ADGRA3: variants seen among roughly 807,000 people sequenced by gnomAD.
ADGRA3 encodes adhesion G protein-coupled receptor A3, also known as G-protein coupled receptor 125.
A neutral mutation model predicts 119.8 loss-of-function variants in ADGRA3; 56 were observed. The observed-to-expected ratio is 0.47, with a 90% confidence interval of 0.38 to 0.58. The LOEUF (loss-of-function observed/expected upper bound fraction) is 0.58, where lower values mean the gene tolerates loss of function less well. Ranked by LOEUF, ADGRA3 falls within the 20% of genes least tolerant of loss-of-function variation. The pLI is 0.00. For synonymous variants in ADGRA3, 607 were observed against 623.8 expected, an observed-to-expected ratio of 0.97 and a Z score of 0.40; for missense variants, 1,516 against 1,649.0, an observed-to-expected ratio of 0.92 and a Z score of 1.40.
At chr4:22,458,591 AT>A (rs1392164620) in intron 3 of ADGRA3, among the ~76,000 whole-genome samples, 1 of 152,114 alleles carries the variant, frequency 6.6e-6, no homozygotes, top group African/African-American at 2.4e-5. Context: ...AACTTCATGA[AT>A]TTTTGTTGAA....
intron 10 of ADGRA3, among the ~76,000 whole-genome samples, chr4:22,426,839 A>G (rs1236246457): frequency 1.3e-5 from 2 of 152,176 alleles, no homozygotes; most frequent in African/African-American, 4.8e-5. Flanking sequence ...TCATTTTTTT[A>G]TGATTCATTG....
At chr4:22,473,087 A>G (rs1717911488) in intron 2 of ADGRA3, 1 of 152,182 alleles carries the variant, frequency 6.6e-6, no homozygotes, top group Non-Finnish European at 1.5e-5. Flanking sequence ...ATCAAAGTTT[A>G]TACTAGTGTT....
intron 7 of ADGRA3, 56 bp from the exon 8 acceptor site, chr4:22,438,476 C>T (rs1577349016): frequency 7.3e-7 from 1 of 1,366,152 alleles, no homozygotes; most frequent in Non-Finnish European, 1.0e-6. Flanking sequence ...AAAAAGGAGA[C>T]AATAATGGGT....
chr4:22,484,635 T>C (rs981527638), intron 1 of ADGRA3, among the ~76,000 whole-genome samples: 1 of 149,392 alleles, frequency 6.7e-6, no homozygotes, highest in Non-Finnish European at 1.5e-5. Flanking sequence ...TAAGCAGCTT[T>C]GTACTAAAAT....
At position 22,424,216 on chromosome 4, in the gene ADGRA3, G is replaced by T. The variant is rs201873439; in HGVS notation, c.1580C>A (p.Ala527Asp). The change falls in exon 11 of 19, where the codon GCC becomes GAC. Residue 527 changes from alanine (A) to aspartate (D), a missense_variant. By Grantham distance (126) the Ala-to-Asp change is moderately radical (BLOSUM62 -2). Coordinates refer to ENST00000334304, the MANE Select transcript of ADGRA3 (RefSeq NM_145290.4). ...CLQRIATYRLAGGAHVYSTYS... is the reference protein window; with the variant it reads ...CLQRIATYRLDGGAHVYSTYS... Reference sequence around the variant, plus strand: ...TGTTGAATAAACGTGAGCTCCACCGGCTAGCCGGTAGGTAGCAATGCGCTG... The same window carrying T: ...TGTTGAATAAACGTGAGCTCCACCGTCTAGCCGGTAGGTAGCAATGCGCTG... 7.9e-5 allele frequency: 128 copies of T among 1,611,510 alleles called. No individual in the cohort carries two copies. The African/African-American group carries it at 1.6e-3, about 21-fold the overall frequency.
chr4:22,485,404 T>G (rs1718404068), intron 1 of ADGRA3, among the ~76,000 whole-genome samples: 1 of 152,038 alleles, frequency 6.6e-6, no homozygotes, highest in South Asian at 2.1e-4. Flanking sequence ...TTGTAAGAAC[T>G]CCTCCTTTGC....
intron 1 of ADGRA3, among the ~76,000 whole-genome samples, chr4:22,482,483 C>T (rs1247267273): frequency 1.0e-5 from 1 of 95,454 alleles, no homozygotes; most frequent in Non-Finnish European, 2.3e-5. Flanking sequence ...CAGTGAGACC[C>T]CAACTCTTAA....
At chr4:22,490,802 C>A (rs1718595081) in intron 1 of ADGRA3, among the ~76,000 whole-genome samples, 1 of 152,166 alleles carries the variant, frequency 6.6e-6, no homozygotes, top group Admixed American at 6.5e-5. Context: ...TTGCAAAGAT[C>A]TGTATTTGTT....
Position 22,398,192 on chromosome 4 carries a change from T to C in ADGRA3, c.2481+3239A>G, listed in dbSNP as rs936134839. On this transcript the variant is annotated intron_variant, in intron 16 of 18. Coordinates refer to ENST00000334304, the MANE Select transcript of ADGRA3 (RefSeq NM_145290.4). The stretch of plus-strand genomic sequence containing the variant: ...GAGGTAATTTCATCAATAATACTAA[T>C]ATAATAGTGGTAACAGGTAACATTT... The C allele has an allele frequency of 2.5e-5, 23 of 923,076 alleles. No homozygotes were observed. The African/African-American group carries it at 3.9e-4, about 16-fold the overall frequency. 57.2% of individuals were successfully genotyped at this position (923,076 alleles called of 1,614,324 possible).
intron 16 of ADGRA3, 105 bp downstream of exon 16, chr4:22,401,326 A>C: frequency 1.0e-6 from 1 of 971,492 alleles, no homozygotes; most frequent in Non-Finnish European, 1.5e-6. Flanking sequence ...AACTTTAATC[A>C]GTTAAAGAAA....
intron 11 of ADGRA3, 52 bp from the exon 12 acceptor site, chr4:22,421,141 A>G: frequency 6.7e-7 from 1 of 1,486,518 alleles, no homozygotes; most frequent in Non-Finnish European, 9.3e-7. Context: ...CACAAAGGAA[A>G]AGCACTTTCA....
At chr4:22,437,751 C>A (rs1716452128) in intron 8 of ADGRA3, among the ~76,000 whole-genome samples, 1 of 152,162 alleles carries the variant, frequency 6.6e-6, no homozygotes, top group African/African-American at 2.4e-5. Context: ...GCTTTCATTT[C>A]CCAAAGTCCT....
chr4:22,420,816 C>T (rs753059611), intron 12 of ADGRA3, 70 bp downstream of exon 12: 34 of 1,445,278 alleles, frequency 2.4e-5, no homozygotes, highest in Middle Eastern at 1.8e-4. Context: ...GGTTATTTTG[C>T]GAAGCAGAAC....
chr4:22,474,204 A>C (rs1251386264), intron 1 of ADGRA3, among the ~76,000 whole-genome samples: 1 of 152,248 alleles, frequency 6.6e-6, no homozygotes, highest in Non-Finnish European at 1.5e-5. Flanking sequence ...TTAAAATGGA[A>C]ACTTAGCAGA....
chr4:22,462,268 C>T (rs895895241), intron 2 of ADGRA3, among the ~76,000 whole-genome samples: 1 of 151,980 alleles, frequency 6.6e-6, no homozygotes, highest in South Asian at 2.1e-4. Flanking sequence ...TATATTTTCC[C>T]TTCCCTGGCC....
At chr4:22,451,541 A>C (rs1476013417) in intron 4 of ADGRA3, among the ~76,000 whole-genome samples, 1 of 152,096 alleles carries the variant, frequency 6.6e-6, no homozygotes, top group African/African-American at 2.4e-5. Context: ...AGAATTAATC[A>C]ACTTTACACC....
chr4:22,430,202 T>A (rs376382603), intron 10 of ADGRA3, among the ~76,000 whole-genome samples: 1 of 152,188 alleles, frequency 6.6e-6, no homozygotes, highest in South Asian at 2.1e-4. Flanking sequence ...ATTAGTAGCA[T>A]GAAAATGGAC....
chr4:22,444,689 C>T (rs1716761713), intron 6 of ADGRA3, among the ~76,000 whole-genome samples: 1 of 151,796 alleles, frequency 6.6e-6, no homozygotes, highest in African/African-American at 2.4e-5. Flanking sequence ...CACGAGTTGC[C>T]AACTGATGGA....
intron 1 of ADGRA3, among the ~76,000 whole-genome samples, chr4:22,498,965 C>G (rs6824902): frequency 0.91 from 138,258 of 152,052 alleles, 62,931 homozygotes; most frequent in East Asian, 0.99. Flanking sequence ...AACAAAAAGA[C>G]AGCTCAAGAT....
Sources: gnomAD v4.1 joint callset for allele counts (sites outside exome capture counted in the v4.1 genomes callset) on GRCh38, gnomAD v4.1.1 for gene constraint, MANE v1.5 for transcripts, NCBI Gene and HGNC (gene_info 2026-07-23, HGNC 2026-07-21) for gene names.